Variants in MKNK2 observed in about 807,000 individuals in gnomAD.
The protein encoded by MKNK2 is MAPK interacting serine/threonine kinase 2, also known as MAP kinase-interacting serine/threonine-protein kinase 2.
In MKNK2, 54 loss-of-function variants were observed where a neutral mutation model predicts 55.0. The ratio of observed to expected loss-of-function variants is 0.98; its 90% confidence interval spans 0.79 to 1.23. MKNK2 has a LOEUF of 1.23. Among genes scored for constraint, MKNK2 ranks in the 50% most tolerant of loss-of-function variants. The pLI is 0.00. For synonymous variants in MKNK2, 323 were observed against 256.0 expected (o/e 1.26, Z -2.50); for missense variants, 685 against 632.1 (o/e 1.08, Z -0.90).
chr19:2,047,188 TTC>T (rs2017019209), intron 2 of MKNK2, among the ~76,000 whole-genome samples: 1 of 152,116 alleles, frequency 6.6e-6, no homozygotes, highest in Non-Finnish European at 1.5e-5. Context: ...CAGGGGGTGA[TTC>T]TGTCCCCCAG....
chr19:2,043,703 G>T, intron 5 of MKNK2, 121 bp from the exon 6 acceptor site: 1 of 916,420 alleles, frequency 1.1e-6, no homozygotes, highest in Non-Finnish European at 1.7e-6. Context: ...ACTCTAGAAA[G>T]CAGGGCTCAC....
chr19:2,050,686 GCGGGGGCCAGGCACGAGC>G, intron 2 of MKNK2, 97 bp downstream of exon 2: 1 of 998,430 alleles, frequency 1.0e-6, no homozygotes, highest in Non-Finnish European at 1.4e-6. Context: ...CGGGTGTAGG[GCGGGGGCCAGGCACGAGC>G]CCCGGGAGCC....
chr19:2,048,084 C>A lies in MKNK2; in HGVS notation c.52-1393G>T, dbSNP rs898160109. 3.9e-5 allele frequency among the ~76,000 whole-genome samples: 6 copies of A among 152,272 alleles called. No individual in the cohort carries two copies. The South Asian group carries it at 1.2e-3, about 32-fold the overall frequency. ...AGGCGCGAGTGTGCCAGGCCCTGCC[C>A]AGACCACATCCTGCACTCTCCCATT... On this transcript the variant is annotated intron_variant, in intron 2 of 13. Transcript: ENST00000250896.
At position 2,041,153 on chromosome 19, in the gene MKNK2, C is replaced by T. The variant is rs757439902; in HGVS notation, c.997G>A (p.Asp333Asn). 1.2e-6 allele frequency: 2 copies of T among 1,614,008 alleles called. No homozygotes were observed. The highest frequency in any genetic ancestry group is 1.3e-5 in the African/African-American group (1 of 75,028). Residue 333 changes from aspartate (D) to asparagine (N), a missense_variant, in exon 12 of 14, where the codon GAC (aspartate) becomes AAC (asparagine). Coordinates refer to ENST00000250896, the MANE Select transcript of MKNK2 (RefSeq NM_199054.3). Reference protein sequence around the residue: ...QEGKYEFPDKDWAHISCAAKD... With the variant: ...QEGKYEFPDKNWAHISCAAKD... Reference sequence around the variant, plus strand: ...GCAGCGCAGGAGATGTGGGCCCAGTCCTTGTCGGGGAACTCGTACTTGCCC... The same window carrying T: ...GCAGCGCAGGAGATGTGGGCCCAGTTCTTGTCGGGGAACTCGTACTTGCCC...
chr19:2,040,109 TCCCGAGCAC>T lies in MKNK2; in HGVS notation c.1154+16_1154+24del. The T allele has an allele frequency of 6.3e-7, 1 of 1,579,832 alleles. No individual in the cohort carries two copies. Among genetic ancestry groups the T allele is most frequent in the Non-Finnish European group, 8.6e-7 (1 of 1,163,666 alleles). ...AAACCCCGCCCCCTGGACTCAGGGG[TCCCGAGCAC>T]CCCTGCGGGCCTTACCTCTGCAGGA... On this transcript the variant is annotated intron_variant, in intron 13 of 13. Transcript: ENST00000250896.
Position 2,039,480 on chromosome 19 carries a change from T to A in MKNK2, c.*133A>T. The stretch of plus-strand genomic sequence containing the variant: ...AAAAACCTTCTATAAAACACCCCCC[T>A]CAGCTGAGCTTAGTGCCTGGGAATC... On this transcript the variant is annotated 3_prime_UTR_variant, in exon 14 of 14. Transcript: ENST00000250896. 1 of 1,418,568 alleles carries A rather than the reference T, an allele frequency of 7.0e-7. No homozygotes were observed. The highest frequency in any genetic ancestry group is 9.2e-7 in the Non-Finnish European group (1 of 1,086,736). The allele number at this position is 1,418,568 out of a possible 1,614,324, so 87.9% of individuals were successfully genotyped here. A position where few individuals can be genotyped will look rare whatever the true frequency, so the allele number is the denominator to read the frequency against.
Position 2,041,995 on chromosome 19 carries a change from C to T in MKNK2, c.790G>A (p.Ala264Thr), listed in dbSNP as rs1352895283. 4 of 1,552,430 alleles carry T rather than the reference C, an allele frequency of 2.6e-6. No homozygotes were observed. The highest frequency in any genetic ancestry group is 2.4e-5 in the East Asian group (1 of 40,918). The change falls in exon 11 of 14, where the codon GCC becomes ACC. Residue 264 changes from alanine to threonine, a missense_variant. By Grantham distance (58) the Ala-to-Thr change is moderately conservative. Coordinates refer to ENST00000250896, the MANE Select transcript of MKNK2 (RefSeq NM_199054.3). Reference sequence around the variant, plus strand: ...TAGATGCTAGCCTCCTCGCTGAAGGCCTCCACTACCTCCGGGGCCATGTAC... The same window carrying T: ...TAGATGCTAGCCTCCTCGCTGAAGGTCTCCACTACCTCCGGGGCCATGTAC... ...AEYMAPEVVE[A>T]FSEEASIYDK...
chr19:2,044,078 A>G (rs1314329130), intron 5 of MKNK2, among the ~76,000 whole-genome samples: 2 of 151,850 alleles, frequency 1.3e-5, no homozygotes, highest in East Asian at 3.9e-4. Flanking sequence ...GACTTCTGCA[A>G]AATACCCCCA....
rs771747685 is a variant in MKNK2, at chr19:2,042,046, G to C, written c.751-12C>G. ...TCCGCCGAGCCGCACTGCGGGCGGG[G>C]GAGGGGCGCGTCAGCCGGGGTTTCC... On this transcript the variant is annotated splice_polypyrimidine_tract_variant and intron_variant, in intron 10 of 13. Coordinates refer to ENST00000250896, the MANE Select transcript of MKNK2 (RefSeq NM_199054.3). 1.4e-6 allele frequency: 2 copies of C among 1,471,264 alleles called. No homozygotes were observed. The highest frequency in any genetic ancestry group is 1.8e-6 in the Non-Finnish European group (2 of 1,110,176). The allele number at this position is 1,471,264 out of a possible 1,614,324, so 91.1% of individuals were successfully genotyped here.
At position 2,038,053 on chromosome 19, in the gene MKNK2, A is replaced by AG; in HGVS notation, c.*1559dup. 7.9e-7 allele frequency: 1 copy of AG among 1,266,918 alleles called. No homozygotes were observed. Among genetic ancestry groups the AG allele is most frequent in the Non-Finnish European group, 1.0e-6 (1 of 994,280 alleles). 78.5% of individuals were successfully genotyped at this position (1,266,918 alleles called of 1,614,324 possible). On this transcript the variant is annotated 3_prime_UTR_variant, in exon 14 of 14. Coordinates refer to ENST00000250896, the MANE Select transcript of MKNK2 (RefSeq NM_199054.3). The stretch of plus-strand genomic sequence containing the variant: ...CCCACCCCCCCCAGGGGTCTTTGGA[A>AG]GGGGCAGTCCACAGATATGGGCAGT...
At position 2,037,654 on chromosome 19, in the gene MKNK2, T is replaced by TTTAA; in HGVS notation, c.*1958_*1959insTTAA. ...AGGTTTTTTTTTTTTTTTTGTCTTTTAAAAACATCGTAACATTAACACATG... is the reference window on the plus strand; with the variant it reads ...AGGTTTTTTTTTTTTTTTTGTCTTTTTTAAAAAAACATCGTAACATTAACACATG... On this transcript the variant is annotated 3_prime_UTR_variant, in exon 14 of 14. Coordinates refer to ENST00000250896, the MANE Select transcript of MKNK2 (RefSeq NM_199054.3). 1 of 1,001,890 alleles carries TTTAA rather than the reference T, an allele frequency of 1.0e-6. No individual in the cohort carries two copies. 62.1% of individuals were successfully genotyped at this position (1,001,890 alleles called of 1,614,324 possible). A position where few individuals can be genotyped will look rare whatever the true frequency, so the allele number is the denominator to read the frequency against.
chr19:2,046,025 CCTCA>C (rs1275501013), intron 5 of MKNK2, among the ~76,000 whole-genome samples, 157 bp downstream of exon 5: 1 of 152,234 alleles, frequency 6.6e-6, no homozygotes, highest in Non-Finnish European at 1.5e-5. Context: ...GAGGGGCCAC[CCTCA>C]CTGTCATTCC....
Position 2,046,204 on chromosome 19 carries a change from G to T in MKNK2, c.321C>A (p.Ser107Arg). 6.2e-7 allele frequency: 1 copy of T among 1,608,592 alleles called. No homozygotes were observed. ...GGCCCACCTTGACGGCGTACTCCTG[G>T]CTGGTGATCAGGTTGATGCAGGTCT... is the stretch of plus-strand genomic sequence containing the variant. ...RVQTCINLIT[S>R]QEYAVKIIEK... The change falls in exon 5 of 14, where the codon AGC becomes AGA. Residue 107 changes from serine to arginine, a missense_variant. Coordinates refer to ENST00000250896, the MANE Select transcript of MKNK2 (RefSeq NM_199054.3).
At chr19:2,041,604 G>A (rs553896636) in intron 11 of MKNK2, among the ~76,000 whole-genome samples, 32 of 152,272 alleles carry the variant, frequency 2.1e-4, no homozygotes, top group Middle Eastern at 3.4e-3. Context: ...CCTGTGGATG[G>A]CATCAGGGAG....
At chr19:2,043,636 G>A in intron 5 of MKNK2, 54 bp from the exon 6 acceptor site, 1 of 1,503,430 alleles carries the variant, frequency 6.7e-7, no homozygotes, top group Non-Finnish European at 9.2e-7. Context: ...TCATAGTCGA[G>A]AAGGGGCCAG....
Position 2,046,423 on chromosome 19 carries a change from CT to C in MKNK2, c.184del (p.Arg62GlyfsTer43). ...QPIDIPDAKK[R>X]GKKKKRGRAT... ...CCGGCCGCGCTTCTTCTTCTTGCCCCTCTTCTTGGCGTCCGGGATGTCAATG... is the reference window on the plus strand; with the variant it reads ...CCGGCCGCGCTTCTTCTTCTTGCCCCCTTCTTGGCGTCCGGGATGTCAATG... On this transcript the variant is annotated frameshift_variant, in exon 4 of 14. Coordinates refer to ENST00000250896, the MANE Select transcript of MKNK2 (RefSeq NM_199054.3). LOFTEE classifies it high-confidence loss of function. 6.2e-7 allele frequency: 1 copy of C among 1,609,562 alleles called. No individual in the cohort carries two copies. Among genetic ancestry groups the C allele is most frequent in the Non-Finnish European group, 8.5e-7 (1 of 1,179,832 alleles).
chr19:2,038,456 C>A lies in MKNK2; in HGVS notation c.*1157G>T, dbSNP rs1243920024. Reference sequence around the variant, plus strand: ...GGGAGGGGGCAGCAGGCTCCGCAGCCCCCGGGGGTTGGAGCATGGAGGGTG... The same window carrying A: ...GGGAGGGGGCAGCAGGCTCCGCAGCACCCGGGGGTTGGAGCATGGAGGGTG... On this transcript the variant is annotated 3_prime_UTR_variant, in exon 14 of 14. Transcript: ENST00000250896. 2.0e-6 allele frequency: 2 copies of A among 985,370 alleles called. No individual in the cohort carries two copies. The highest frequency in any genetic ancestry group is 2.4e-6 in the Non-Finnish European group (2 of 829,894). 61.0% of individuals were successfully genotyped at this position (985,370 alleles called of 1,614,324 possible).
rs139135189 is a variant in MKNK2 at position 2,039,754 on chromosome 19, C to T, written c.1257G>A (p.Ala419=). 497 of 1,609,628 alleles carry T rather than the reference C, an allele frequency of 3.1e-4. 2 individuals are homozygous for T. The Middle Eastern group carries it at 3.8e-3, about 12-fold the overall frequency. ...HDEDLAEEEA[A]GQGQPVLVRA... ...GGACCAGGACGGGCTGGCCCTGCCC[C>T]GCGGCCTCCTCCTCAGCCAGGTCCT... The change falls in exon 14 of 14, where the codon GCG becomes GCA. Residue 419 remains alanine, a synonymous_variant. Transcript: ENST00000250896.
At chr19:2,043,242 G>A (rs749421023) in intron 6 of MKNK2, 45 bp from the exon 7 acceptor site, 1 of 1,497,286 alleles carries the variant, frequency 6.7e-7, no homozygotes, top group Non-Finnish European at 9.3e-7. Context: ...GCTTCCTGAG[G>A]CCCCTGGGTA....
Sources: allele counts gnomAD v4.1 joint callset (sites outside exome capture counted in the v4.1 genomes callset), GRCh38; gene constraint gnomAD v4.1.1; transcripts MANE v1.5; gene names NCBI Gene and HGNC (gene_info 2026-07-23, HGNC 2026-07-21).